The following DGUOK variants were observed in gnomAD, a reference collection of about 807,000 sequenced individuals.
DGUOK encodes deoxyguanosine kinase, mitochondrial.
In DGUOK, 30 loss-of-function variants were observed where a neutral mutation model predicts 36.6. The ratio of observed to expected loss-of-function variants is 0.82; its 90% confidence interval spans 0.61 to 1.11. The LOEUF (loss-of-function observed/expected upper bound fraction) is 1.11, where lower values mean the gene tolerates loss of function less well. Among genes scored for constraint, DGUOK ranks in the 50% most tolerant of loss-of-function variants. The pLI is 0.00. For synonymous variants in DGUOK, 145 were observed against 126.3 expected, an observed-to-expected ratio of 1.15 and a Z score of -0.99; for missense variants, 361 against 336.4, an observed-to-expected ratio of 1.07 and a Z score of -0.57.
rs1407707707 is a variant in DGUOK, at chr2:73,938,949, C to T, written c.182C>T (p.Thr61Ile). 6.2e-7 allele frequency: 1 copy of T among 1,614,080 alleles called. No individual in the cohort carries two copies. The highest frequency in any genetic ancestry group is 1.7e-5 in the Admixed American group (1 of 60,022). ...KSTFVKLLTK[T>I]YPEWHVATEP... is the part of the protein sequence containing the mutation. ...ACGTTTGTGAAGTTACTCACGAAAA[C>T]TTACCCAGAATGGCACGTAGCTACA... The change falls in exon 2 of 7, where the codon ACT becomes ATT. Residue 61 changes from threonine (T) to isoleucine (I), a missense_variant. Coordinates refer to ENST00000264093, the MANE Select transcript of DGUOK (RefSeq NM_080916.3).
In DGUOK at chr2:73,958,737, C is replaced by T. The variant is rs1057524187; in HGVS notation, c.*1C>T. 4 of 1,611,620 alleles carry T rather than the reference C, an allele frequency of 2.5e-6. No individual in the cohort carries two copies. The highest frequency in any genetic ancestry group is 1.7e-5 in the Admixed American group (1 of 59,998). ...AAACACCTTTGTAAAGAATCTGTAACCAATACCATGAAGTTCAGGCTGTGA... is the reference window on the plus strand; with the variant it reads ...AAACACCTTTGTAAAGAATCTGTAATCAATACCATGAAGTTCAGGCTGTGA... On this transcript the variant is annotated 3_prime_UTR_variant, in exon 7 of 7. Coordinates refer to ENST00000264093, the MANE Select transcript of DGUOK (RefSeq NM_080916.3).
chr2:73,953,422 A>T (rs1181878509), intron 4 of DGUOK, among the ~76,000 whole-genome samples: 1 of 152,036 alleles, frequency 6.6e-6, no homozygotes, highest in Non-Finnish European at 1.5e-5. Flanking sequence ...AGAAAAGAAA[A>T]ATAGCTTATT....
chr2:73,943,323 ATTTTTT>A (rs11306613), intron 2 of DGUOK, among the ~76,000 whole-genome samples: 4 of 142,640 alleles, frequency 2.8e-5, no homozygotes, highest in Non-Finnish European at 4.6e-5. Flanking sequence ...CTACTTAAAA[ATTTTTT>A]TTTTTTTTTT....
intron 5 of DGUOK, 121 bp downstream of exon 5, chr2:73,957,361 G>A: frequency 1.3e-6 from 1 of 774,196 alleles, no homozygotes; most frequent in South Asian, 1.5e-5. Context: ...GAAATGGTTG[G>A]AAATGTCAAG....
At chr2:73,939,865 G>A (rs1051286584) in intron 2 of DGUOK, among the ~76,000 whole-genome samples, 2 of 151,602 alleles carry the variant, frequency 1.3e-5, no homozygotes, top group East Asian at 3.9e-4. Context: ...TATAGTTGAA[G>A]GTAATGATTT....
At chr2:73,943,907 A>C (rs7567651) in intron 2 of DGUOK, among the ~76,000 whole-genome samples, 8,108 of 152,204 alleles carry the variant, frequency 0.053, 609 homozygotes, top group African/African-American at 0.17. Flanking sequence ...TTGGCCTCCC[A>C]AAGTGCCGGG....
At chr2:73,930,144 A>G (rs1335701601) in intron 1 of DGUOK, among the ~76,000 whole-genome samples, 1 of 152,206 alleles carries the variant, frequency 6.6e-6, no homozygotes. Context: ...ATGAGCACCA[A>G]CTTCAGAGGG....
rs569890001 is a variant in DGUOK at position 73,944,345 on chromosome 2, T to C, written c.256-2374T>C. Among the ~76,000 whole-genome samples, 18 of 152,348 alleles carry C rather than the reference T, an allele frequency of 1.2e-4. No individual in the cohort carries two copies. The East Asian group carries it at 3.3e-3, about 28-fold the overall frequency. ...CTTAAACTGATACTCTGTAAGGATC[T>C]TCTAATTCACTAATTAGGTTTACTG... On this transcript the variant is annotated intron_variant, in intron 2 of 6. Transcript: ENST00000264093.
At chr2:73,939,109 A>G (rs888847231) in intron 2 of DGUOK, 87 bp downstream of exon 2, 7 of 885,826 alleles carry the variant, frequency 7.9e-6, no homozygotes, top group African/African-American at 1.6e-5. Context: ...TGAGTAAAGT[A>G]GCCCAGTTTG....
At chr2:73,949,398 C>T (rs1682553554) in intron 3 of DGUOK, among the ~76,000 whole-genome samples, 1 of 152,172 alleles carries the variant, frequency 6.6e-6, no homozygotes, top group Admixed American at 6.5e-5. Context: ...TGTGGAGTTT[C>T]TAAGTTAGCT....
chr2:73,953,687 T>C (rs1682866177), intron 4 of DGUOK, among the ~76,000 whole-genome samples: 1 of 151,592 alleles, frequency 6.6e-6, no homozygotes, highest in Non-Finnish European at 1.5e-5. Flanking sequence ...CGTAGGTCCT[T>C]CTGCTCCTTT....
intron 4 of DGUOK, among the ~76,000 whole-genome samples, chr2:73,953,343 A>G (rs1217983496): frequency 6.6e-6 from 1 of 151,618 alleles, no homozygotes; most frequent in African/African-American, 2.4e-5. Flanking sequence ...GCCCTTTTGG[A>G]GAGGCTAATT....
At chr2:73,950,491 G>T in intron 3 of DGUOK, 94 bp from the exon 4 acceptor site, 2 of 1,335,316 alleles carry the variant, frequency 1.5e-6, no homozygotes, top group Middle Eastern at 2.4e-4. Flanking sequence ...GGAACAAGTT[G>T]GTTATTGATT....
intron 4 of DGUOK, among the ~76,000 whole-genome samples, chr2:73,956,569 G>A (rs184895716): frequency 8.4e-4 from 128 of 152,312 alleles, no homozygotes; most frequent in Admixed American, 3.5e-3. Context: ...ACCTGTGGAT[G>A]GGTAGACAAT....
intron 1 of DGUOK, chr2:73,932,831 G>C: frequency 3.0e-6 from 1 of 335,056 alleles, no homozygotes; most frequent in African/African-American, 2.2e-5. Context: ...CATATAAGAT[G>C]TGTGATTGAA....
chr2:73,955,118 T>C (rs368815200), intron 4 of DGUOK, among the ~76,000 whole-genome samples: 64 of 152,278 alleles, frequency 4.2e-4, no homozygotes, highest in African/African-American at 1.5e-3. Flanking sequence ...TAATAGTAAA[T>C]AGAAATATGT....
intron 2 of DGUOK, among the ~76,000 whole-genome samples, chr2:73,943,879 TC>T (rs1322091465): frequency 6.6e-6 from 1 of 152,138 alleles, no homozygotes; most frequent in East Asian, 1.9e-4. Flanking sequence ...ATTCCTAACC[TC>T]AGGCGATTCA....
chr2:73,948,926 T>A (rs1167996444), intron 3 of DGUOK, among the ~76,000 whole-genome samples: 2 of 152,242 alleles, frequency 1.3e-5, no homozygotes, highest in Admixed American at 1.3e-4. Context: ...ATAGGGCTTA[T>A]TAGCAAATCT....
At chr2:73,937,020 A>G (rs1040154053) in intron 1 of DGUOK, among the ~76,000 whole-genome samples, 2 of 152,248 alleles carry the variant, frequency 1.3e-5, no homozygotes, top group South Asian at 4.1e-4. Flanking sequence ...ATGCAAAGTC[A>G]TATTTGCAAG....
Sources: allele counts gnomAD v4.1 joint callset (sites outside exome capture counted in the v4.1 genomes callset), GRCh38; gene constraint gnomAD v4.1.1; transcripts MANE v1.5; gene names NCBI Gene and HGNC (gene_info 2026-07-23, HGNC 2026-07-21).